The following EHMT1 variants were observed in gnomAD, a reference collection of about 807,000 sequenced individuals.
EHMT1 encodes the protein histone-lysine N-methyltransferase EHMT1.
EHMT1 carries 15 observed loss-of-function variants against 147.2 expected under a neutral mutation model. The observed-to-expected ratio is 0.10, with a 90% CI of 0.07 to 0.16. The LOEUF (loss-of-function observed/expected upper bound fraction) is 0.16, where lower values mean the gene tolerates loss of function less well. Among genes scored for constraint, EHMT1 ranks in the 10% least tolerant of loss-of-function variants. EHMT1 has a pLI of 1.00. For synonymous variants in EHMT1, 795 were observed against 709.6 expected, an observed-to-expected ratio of 1.12 and a Z score of -1.91; for missense variants, 1,587 against 1,772.4, an observed-to-expected ratio of 0.90 and a Z score of 1.88.
At chr9:137,822,829 G>A (rs982482064) in intron 25 of EHMT1, among the ~76,000 whole-genome samples, 3 of 151,358 alleles carry the variant, frequency 2.0e-5, no homozygotes, top group Non-Finnish European at 4.4e-5. Context: ...GGAGGTGGAG[G>A]TTGCAGTGAG....
Position 137,829,958 on chromosome 9 carries a change from C to G in EHMT1, c.3541-4391C>G, listed in dbSNP as rs531403903. Among the ~76,000 whole-genome samples the G allele has an allele frequency of 5.9e-5, 9 of 152,308 alleles. No homozygotes were observed. In the East Asian group the frequency reaches 1.7e-3, roughly 29 times the overall value. On this transcript the variant is annotated intron_variant, in intron 25 of 26. Transcript: ENST00000460843. ...ACCTTAAACCTGGGCTTTGTGGTTACTCCTCAGAGAAAGGCAAGATCAATG... is the reference window on the plus strand; with the variant it reads ...ACCTTAAACCTGGGCTTTGTGGTTAGTCCTCAGAGAAAGGCAAGATCAATG...
At chr9:137,823,474 C>T (rs1198140899) in intron 25 of EHMT1, 8 of 348,066 alleles carry the variant, frequency 2.3e-5, no homozygotes, top group African/African-American at 1.4e-4. Context: ...TGCAGTGACA[C>T]AATCTCGGCT....
At chr9:137,648,368 A>T (rs1365222579) in intron 1 of EHMT1, among the ~76,000 whole-genome samples, 1 of 151,994 alleles carries the variant, frequency 6.6e-6, no homozygotes, top group African/African-American at 2.4e-5. Flanking sequence ...TTAAGTCAGT[A>T]GCCAGCTGGG....
intron 3 of EHMT1, among the ~76,000 whole-genome samples, chr9:137,721,702 G>A (rs1380528244): frequency 6.6e-6 from 1 of 151,846 alleles, no homozygotes; most frequent in African/African-American, 2.4e-5. Flanking sequence ...TGCTGTCGGT[G>A]TGTCATCTTT....
intron 6 of EHMT1, among the ~76,000 whole-genome samples, chr9:137,751,795 C>G (rs951485332): frequency 6.6e-6 from 1 of 152,116 alleles, no homozygotes; most frequent in African/African-American, 2.4e-5. Flanking sequence ...GTCTGTGGGC[C>G]CACGTCTGCC....
chr9:137,658,775 G>A (rs1938757202), intron 1 of EHMT1, among the ~76,000 whole-genome samples: 1 of 151,854 alleles, frequency 6.6e-6, no homozygotes, highest in Non-Finnish European at 1.5e-5. Flanking sequence ...ACCATACCTG[G>A]CTATTTTTAA....
At chr9:137,800,561 C>T (rs974141311) in intron 17 of EHMT1, 1 of 414,214 alleles carries the variant, frequency 2.4e-6, no homozygotes, top group Admixed American at 3.7e-5. Flanking sequence ...AGACTCGTTG[C>T]ACGCAGCTGT....
At chr9:137,620,478 T>C (rs528587192) in intron 1 of EHMT1, among the ~76,000 whole-genome samples, 3 of 152,324 alleles carry the variant, frequency 2.0e-5, no homozygotes, top group African/African-American at 7.2e-5. Context: ...TGCAGAGGCA[T>C]GATCACTGCT....
chr9:137,769,859 C>G (rs1950481422), intron 10 of EHMT1, among the ~76,000 whole-genome samples: 2 of 152,022 alleles, frequency 1.3e-5, no homozygotes, highest in African/African-American at 4.8e-5. Flanking sequence ...TTTTTTGAGA[C>G]AGGGTCTTAC....
At chr9:137,740,575 C>T (rs188136236) in intron 4 of EHMT1, among the ~76,000 whole-genome samples, 8 of 152,328 alleles carry the variant, frequency 5.3e-5, no homozygotes, top group Admixed American at 3.9e-4. Flanking sequence ...AGGACTGAAG[C>T]GGCTCCTCTT....
intron 1 of EHMT1, among the ~76,000 whole-genome samples, chr9:137,690,786 A>G (rs780628192): frequency 9.2e-5 from 14 of 152,126 alleles, no homozygotes; most frequent in Non-Finnish European, 1.3e-4. Flanking sequence ...TCACTTGTGT[A>G]TGTTGCTGTT....
chr9:137,633,357 A>T (rs1400977687), intron 1 of EHMT1, among the ~76,000 whole-genome samples: 1 of 151,924 alleles, frequency 6.6e-6, no homozygotes, highest in African/African-American at 2.4e-5. Context: ...TGATTAGAAG[A>T]ACAGAATTTT....
At chr9:137,683,961 C>T (rs1942202395) in intron 1 of EHMT1, among the ~76,000 whole-genome samples, 1 of 152,030 alleles carries the variant, frequency 6.6e-6, no homozygotes, top group Admixed American at 6.6e-5. Flanking sequence ...GATGCTTGAA[C>T]CCGTCAACAA....
intron 18 of EHMT1, 29 bp downstream of exon 18, chr9:137,801,013 C>T (rs530489796): frequency 1.2e-5 from 20 of 1,604,516 alleles, no homozygotes; most frequent in South Asian, 8.8e-5. Context: ...CCCCGGGAGC[C>T]GTGTCCTGGA....
intron 1 of EHMT1, among the ~76,000 whole-genome samples, chr9:137,699,821 C>T (rs1001046212): frequency 2.6e-5 from 4 of 152,200 alleles, no homozygotes; most frequent in Admixed American, 6.5e-5. Flanking sequence ...TGCACTCCAG[C>T]CTGGGTGACA....
At chr9:137,740,313 C>T (rs1465026714) in intron 4 of EHMT1, among the ~76,000 whole-genome samples, 4 of 152,144 alleles carry the variant, frequency 2.6e-5, no homozygotes, top group East Asian at 1.9e-4. Context: ...GTCCTGAAGC[C>T]CCCCCCTCGC....
chr9:137,629,720 G>T (rs1240302885), intron 1 of EHMT1, among the ~76,000 whole-genome samples: 1 of 151,716 alleles, frequency 6.6e-6, no homozygotes, highest in Non-Finnish European at 1.5e-5. Flanking sequence ...AGTAGAAACG[G>T]GGTTTCACCA....
At chr9:137,677,041 C>T (rs1343427825) in intron 1 of EHMT1, among the ~76,000 whole-genome samples, 1 of 152,150 alleles carries the variant, frequency 6.6e-6, no homozygotes, top group Non-Finnish European at 1.5e-5. Context: ...GTTGCCCAGG[C>T]TGATCTTGAA....
chr9:137,801,053 C>A, intron 18 of EHMT1, 69 bp downstream of exon 18: 8 of 1,451,260 alleles, frequency 5.5e-6, no homozygotes, highest in Non-Finnish European at 6.7e-6. Flanking sequence ...CCAGAAGGTT[C>A]TTTTCTCAAA....
Sources: gnomAD v4.1 joint callset for allele counts (sites outside exome capture counted in the v4.1 genomes callset) on GRCh38, gnomAD v4.1.1 for gene constraint, MANE v1.5 for transcripts, NCBI Gene and HGNC (gene_info 2026-07-23, HGNC 2026-07-21) for gene names.